Variants in KSR2 observed in about 807,000 individuals in gnomAD.
KSR2 encodes kinase suppressor of ras 2.
In KSR2, 25 loss-of-function variants were observed where a neutral mutation model predicts 107.8. The ratio of observed to expected loss-of-function variants is 0.23; its 90% CI spans 0.17 to 0.32. KSR2 has a LOEUF of 0.32. Ranked by LOEUF, KSR2 falls within the 10% of genes least tolerant of loss-of-function variation. The probability of loss-of-function intolerance (pLI) is 1.00; values close to 1 mark genes in which losing one functional copy is unlikely to be tolerated. For synonymous variants in KSR2, 480 were observed against 507.0 expected, an observed-to-expected ratio of 0.95 and a Z score of 0.71; for missense variants, 887 against 1,268.9, an observed-to-expected ratio of 0.70 and a Z score of 4.57.
chr12:117,838,952 C>T (rs2137149956), intron 3 of KSR2, among the ~76,000 whole-genome samples: 1 of 152,334 alleles, frequency 6.6e-6, no homozygotes, highest in Middle Eastern at 3.4e-3. Context: ...AGCGTGAAAA[C>T]AGCCATAGAC....
chr12:117,758,270 T>G (rs10850897), intron 4 of KSR2, among the ~76,000 whole-genome samples: 11,055 of 152,160 alleles, frequency 0.073, 841 homozygotes, highest in East Asian at 0.24. Context: ...AACGCCTCCT[T>G]TATAAATCCT....
At chr12:117,528,402 T>C (rs1412709317) in intron 12 of KSR2, among the ~76,000 whole-genome samples, 1 of 152,036 alleles carries the variant, frequency 6.6e-6, no homozygotes, top group African/African-American at 2.4e-5. Context: ...AGAATCACAA[T>C]GAATACCCCA....
chr12:117,720,126 T>C (rs1276635972), intron 4 of KSR2, among the ~76,000 whole-genome samples: 5 of 152,190 alleles, frequency 3.3e-5, no homozygotes, highest in Non-Finnish European at 5.9e-5. Flanking sequence ...CTGGAGGAAG[T>C]GCAGAGTCAA....
intron 5 of KSR2, among the ~76,000 whole-genome samples, chr12:117,628,568 T>G (rs930186061): frequency 6.6e-6 from 1 of 152,190 alleles, no homozygotes; most frequent in Non-Finnish European, 1.5e-5. Context: ...ATCCTTCCTC[T>G]GGAAGCTTCG....
chr12:117,514,544 C>CTAT (rs763553867), intron 14 of KSR2, among the ~76,000 whole-genome samples: 1 of 130,088 alleles, frequency 7.7e-6, no homozygotes, highest in Non-Finnish European at 1.6e-5. Context: ...CTCTCTCTCT[C>CTAT]TTTTTTTTTT....
At chr12:117,952,155 T>TCACACACACACACA (rs112314585) in intron 1 of KSR2, among the ~76,000 whole-genome samples, 63 of 147,422 alleles carry the variant, frequency 4.3e-4, no homozygotes, top group African/African-American at 1.4e-3. Context: ...AATGTTCTCA[T>TCACACACACACACA]CACACACACA....
At chr12:117,525,286 G>A in intron 13 of KSR2, 67 bp from the exon 14 acceptor site, 1 of 1,488,280 alleles carries the variant, frequency 6.7e-7, no homozygotes, top group Non-Finnish European at 9.0e-7. Context: ...TCATGGTCCT[G>A]CTGGGTCCCG....
chr12:117,455,042 G>GAGAC lies in KSR2; in HGVS notation c.*12156_*12157insGTCT, dbSNP rs1368156419. ...ACACAGAGACAGACAGACAGAGAGA[G>GAGAC]AGAGAGAGAGAGAGAGAGAGAGAGA... On this transcript the variant is annotated 3_prime_UTR_variant, in exon 20 of 20. Transcript: ENST00000339824. The GAGAC allele has an allele frequency of 6.7e-6, 1 of 149,224 alleles. No homozygotes were observed. Among genetic ancestry groups the GAGAC allele is most frequent in the Non-Finnish European group, 1.5e-5 (1 of 67,660 alleles). The allele number at this position is 149,224 out of a possible 1,614,324, so 9.2% of individuals were successfully genotyped here.
At chr12:117,759,127 T>C (rs1244267901) in intron 4 of KSR2, among the ~76,000 whole-genome samples, 1 of 152,220 alleles carries the variant, frequency 6.6e-6, no homozygotes, top group African/African-American at 2.4e-5. Flanking sequence ...GCAGCTTAAA[T>C]ATGACTGTTG....
At chr12:117,569,442 C>T (rs895658159) in intron 7 of KSR2, among the ~76,000 whole-genome samples, 3 of 152,138 alleles carry the variant, frequency 2.0e-5, no homozygotes, top group East Asian at 1.9e-4. Flanking sequence ...AAAGAGGACT[C>T]GTATAAAGGC....
chr12:117,934,052 T>C (rs929191513), intron 1 of KSR2, among the ~76,000 whole-genome samples: 8 of 152,182 alleles, frequency 5.3e-5, no homozygotes, highest in African/African-American at 1.7e-4. Flanking sequence ...ACATTCCTAG[T>C]AATATGTTCT....
intron 12 of KSR2, among the ~76,000 whole-genome samples, chr12:117,528,443 C>T (rs764071836): frequency 9.2e-5 from 14 of 152,060 alleles, no homozygotes; most frequent in Non-Finnish European, 1.3e-4. Flanking sequence ...CAGTAGATTC[C>T]CCCTTCCCCA....
chr12:117,525,881 G>C (rs931480717), intron 13 of KSR2, among the ~76,000 whole-genome samples: 2 of 152,328 alleles, frequency 1.3e-5, no homozygotes, highest in Middle Eastern at 3.4e-3. Context: ...GGAGACATGA[G>C]AGTGAGGGGT....
chr12:117,800,338 G>C, intron 3 of KSR2, among the ~76,000 whole-genome samples: 1 of 152,090 alleles, frequency 6.6e-6, no homozygotes, highest in East Asian at 1.9e-4. Context: ...ACAGGGCCAG[G>C]TTCCTGTCTG....
At position 117,764,000 on chromosome 12, in the gene KSR2, A is replaced by G. The variant is rs151288536; in HGVS notation, c.473-2476T>C. Among the ~76,000 whole-genome samples, 528 of 152,302 alleles carry G rather than the reference A, an allele frequency of 3.5e-3. 3 individuals carry two copies. The highest frequency in any genetic ancestry group is 4.6e-3 in the Non-Finnish European group (312 of 68,032). On this transcript the variant is annotated intron_variant, in intron 3 of 19. Coordinates refer to ENST00000339824, the MANE Select transcript of KSR2 (RefSeq NM_173598.6). ...TTCCTAGCTGACTAGCAATAACAAT[A>G]ATAATTACTATAACGACTGTAACAA... is the stretch of plus-strand genomic sequence containing the variant.
At chr12:117,909,902 C>A in intron 1 of KSR2, among the ~76,000 whole-genome samples, 1 of 145,628 alleles carries the variant, frequency 6.9e-6, no homozygotes, top group Non-Finnish European at 1.5e-5. Flanking sequence ...AGCAAGACTT[C>A]ATCTCAAAAA....
At chr12:117,968,029 CTTTTTTTTTTTTTT>C (rs34834989) in intron 1 of KSR2, 33 bp downstream of exon 1, 108,583 of 678,046 alleles carry the variant, frequency 0.16, 3,940 homozygotes, top group Admixed American at 0.19. Flanking sequence ...AGAAGGATTG[CTTTTTTTTTTTTTT>C]TTTTTTTTTT....
At chr12:117,794,106 T>TCACACCAACATGCACA (rs1555241597) in intron 3 of KSR2, among the ~76,000 whole-genome samples, 1 of 39,480 alleles carries the variant, frequency 2.5e-5, no homozygotes, top group Non-Finnish European at 4.9e-5. Flanking sequence ...ACATGCACAC[T>TCACACCAACATGCACA]CACACCAACA....
chr12:117,473,573 G>A (rs1278352071), intron 17 of KSR2, among the ~76,000 whole-genome samples: 2 of 152,174 alleles, frequency 1.3e-5, no homozygotes, highest in South Asian at 2.1e-4. Flanking sequence ...TGTGGCTGGC[G>A]ATTGGAGTCT....
Sources: allele counts gnomAD v4.1 joint callset (sites outside exome capture counted in the v4.1 genomes callset), GRCh38; gene constraint gnomAD v4.1.1; transcripts MANE v1.5; gene names NCBI Gene and HGNC (gene_info 2026-07-23, HGNC 2026-07-21).